Variants in NXPH1 observed in about 807,000 individuals in gnomAD.
The protein encoded by NXPH1 is neurexophilin 1.
In NXPH1, 5 loss-of-function variants were observed where a neutral mutation model predicts 23.7. The observed-to-expected ratio is 0.21, with a 90% CI of 0.11 to 0.44. The LOEUF is 0.44. Among genes scored for constraint, NXPH1 ranks in the 20% least tolerant of loss-of-function variants. NXPH1 has a pLI of 0.99. For synonymous variants in NXPH1, 144 were observed against 122.2 expected, an observed-to-expected ratio of 1.18 and a Z score of -1.18; for missense variants, 324 against 321.6, an observed-to-expected ratio of 1.01 and a Z score of -0.06.
chr7:8,662,647 T>G (rs12702760), intron 2 of NXPH1, among the ~76,000 whole-genome samples: 1 of 151,744 alleles, frequency 6.6e-6, no homozygotes, highest in Non-Finnish European at 1.5e-5. Flanking sequence ...TTATGCAAAT[T>G]AGAAAACTGA....
rs141512120 is a variant in NXPH1, at chr7:8,523,862, C to A, written c.54+88095C>A. Among the ~76,000 whole-genome samples, 4 of 152,224 alleles carry A rather than the reference C, an allele frequency of 2.6e-5. No homozygotes were observed. In the South Asian group the frequency reaches 6.2e-4, roughly 24 times the overall value. Reference sequence around the variant, plus strand: ...CATGATTGCTGTCCTTCCCCACTAACCATTTGCTTTTGCCAACCTGCATGC... The same window carrying A: ...CATGATTGCTGTCCTTCCCCACTAAACATTTGCTTTTGCCAACCTGCATGC... On this transcript the variant is annotated intron_variant, in intron 2 of 2. Transcript: ENST00000405863.
Position 8,752,004 on chromosome 7 carries a change from T to C in NXPH1, c.*235T>C. 1 of 492,000 alleles carries C rather than the reference T, an allele frequency of 2.0e-6. No individual in the cohort carries two copies. The highest frequency in any genetic ancestry group is 3.7e-6 in the Non-Finnish European group (1 of 273,034). The allele number at this position is 492,000 out of a possible 1,614,324, so 30.5% of individuals were successfully genotyped here. ...GATTTTGAATTCACACCTGAAGACA[T>C]GCTCTCACATATAGAGGTACACAAA... On this transcript the variant is annotated 3_prime_UTR_variant, in exon 3 of 3. Coordinates refer to ENST00000405863, the MANE Select transcript of NXPH1 (RefSeq NM_152745.3).
intron 2 of NXPH1, among the ~76,000 whole-genome samples, chr7:8,670,390 T>A (rs1177943369): frequency 6.6e-6 from 1 of 152,228 alleles, no homozygotes; most frequent in South Asian, 2.1e-4. Flanking sequence ...AAAACCAAAT[T>A]GGATTTACCA....
At chr7:8,694,312 T>A (rs139208180) in intron 2 of NXPH1, among the ~76,000 whole-genome samples, 29 of 152,334 alleles carry the variant, frequency 1.9e-4, no homozygotes, top group Admixed American at 4.6e-4. Context: ...GACACCCATG[T>A]CAGGGATGCT....
chr7:8,593,728 T>C (rs1252196937), intron 2 of NXPH1, among the ~76,000 whole-genome samples: 1 of 152,064 alleles, frequency 6.6e-6, no homozygotes, highest in Non-Finnish European at 1.5e-5. Flanking sequence ...ACCTTAAAAT[T>C]AAAATTCAGA....
intron 2 of NXPH1, among the ~76,000 whole-genome samples, chr7:8,548,251 C>T (rs76623379): frequency 3.8e-4 from 57 of 151,672 alleles, no homozygotes; most frequent in African/African-American, 1.4e-3. Flanking sequence ...GTTTACCATG[C>T]TCCTCAATGA....
At chr7:8,512,154 T>TA (rs1277757772) in intron 2 of NXPH1, among the ~76,000 whole-genome samples, 1 of 152,138 alleles carries the variant, frequency 6.6e-6, no homozygotes, top group Non-Finnish European at 1.5e-5. Context: ...CCTCTCCAAA[T>TA]ACAGCATTAA....
At position 8,494,638 on chromosome 7, in the gene NXPH1, A is replaced by G. The variant is rs535078294; in HGVS notation, c.54+58871A>G. 5.9e-5 allele frequency among the ~76,000 whole-genome samples: 9 copies of G among 152,216 alleles called. 1 individual carries two copies. The South Asian group carries it at 1.2e-3, about 21-fold the overall frequency. ...ACCTCCAAATACCTTGACAATGCCA[A>G]TAATGGAGTCAATCATCTGAATGGT... On this transcript the variant is annotated intron_variant, in intron 2 of 2. Coordinates refer to ENST00000405863, the MANE Select transcript of NXPH1 (RefSeq NM_152745.3).
At chr7:8,450,144 T>A (rs1188474126) in intron 2 of NXPH1, among the ~76,000 whole-genome samples, 1 of 152,200 alleles carries the variant, frequency 6.6e-6, no homozygotes, top group African/African-American at 2.4e-5. Context: ...ATCACACTCA[T>A]GTTTTTTGAA....
Position 8,442,588 on chromosome 7 carries a change from C to A in NXPH1, c.54+6821C>A, listed in dbSNP as rs1366472214. On this transcript the variant is annotated intron_variant, in intron 2 of 2. Coordinates refer to ENST00000405863, the MANE Select transcript of NXPH1 (RefSeq NM_152745.3). The surrounding 1 kb of genome is among the most constrained non-coding windows in gnomAD (Gnocchi z 4.6). The stretch of plus-strand genomic sequence containing the variant: ...ATTTTCCTTCGTCTTCTACAAGAAG[C>A]AAGAAACTTTTTTCGACGTAGGCTT... Among the ~76,000 whole-genome samples, 2 of 152,228 alleles carry A rather than the reference C, an allele frequency of 1.3e-5. No individual in the cohort carries two copies. Among genetic ancestry groups the A allele is most frequent in the Non-Finnish European group, 2.9e-5 (2 of 68,042 alleles).
chr7:8,582,058 G>A (rs915903127), intron 2 of NXPH1, among the ~76,000 whole-genome samples: 2 of 152,188 alleles, frequency 1.3e-5, no homozygotes, highest in African/African-American at 4.8e-5. Context: ...TGCTGTGGCA[G>A]GGTGGGCAGC....
At chr7:8,611,025 G>A (rs1237000357) in intron 2 of NXPH1, among the ~76,000 whole-genome samples, 8 of 152,072 alleles carry the variant, frequency 5.3e-5, no homozygotes, top group African/African-American at 1.9e-4. Flanking sequence ...CTGAAACGCC[G>A]CTTAGAGTTG....
At chr7:8,742,542 C>T (rs1363824756) in intron 2 of NXPH1, among the ~76,000 whole-genome samples, 1 of 142,362 alleles carries the variant, frequency 7.0e-6, no homozygotes, top group East Asian at 2.0e-4. Context: ...AATATACTAG[C>T]TGAGATGTGT....
chr7:8,547,524 G>C (rs952074897), intron 2 of NXPH1, among the ~76,000 whole-genome samples: 2 of 151,350 alleles, frequency 1.3e-5, no homozygotes, highest in African/African-American at 4.8e-5. Flanking sequence ...AGGTGGTACA[G>C]GTACAGGTTT....
chr7:8,627,458 A>G (rs985344426), intron 2 of NXPH1, among the ~76,000 whole-genome samples: 1 of 152,138 alleles, frequency 6.6e-6, no homozygotes, highest in Non-Finnish European at 1.5e-5. Flanking sequence ...CAAGCCTTCA[A>G]TATTCTAAGT....
chr7:8,514,485 C>T (rs753108470), intron 2 of NXPH1, among the ~76,000 whole-genome samples: 5 of 152,070 alleles, frequency 3.3e-5, no homozygotes, highest in Non-Finnish European at 7.4e-5. Flanking sequence ...TTGGCTTTTG[C>T]CCAATGCATT....
chr7:8,730,975 C>T (rs867429671), intron 2 of NXPH1, among the ~76,000 whole-genome samples: 2 of 147,766 alleles, frequency 1.4e-5, no homozygotes, highest in Middle Eastern at 6.9e-3. Context: ...CTTTCAGGTA[C>T]ACCAATCAGA....
chr7:8,711,207 C>T (rs112988684), intron 2 of NXPH1, among the ~76,000 whole-genome samples: 133 of 152,232 alleles, frequency 8.7e-4, no homozygotes, highest in African/African-American at 2.8e-3. Flanking sequence ...AAAGACTTTA[C>T]GGACATACTT....
At chr7:8,576,917 T>C (rs74401666) in intron 2 of NXPH1, among the ~76,000 whole-genome samples, 1,618 of 152,234 alleles carry the variant, frequency 0.011, 33 homozygotes, top group African/African-American at 0.037. Context: ...CAAAATTCTC[T>C]TTTTACTCTG....
Sources: gnomAD v4.1 joint callset for allele counts (sites outside exome capture counted in the v4.1 genomes callset) on GRCh38, gnomAD v4.1.1 for gene constraint, Gnocchi (gnomAD v3.1) non-coding constraint, MANE v1.5 for transcripts, NCBI Gene and HGNC (gene_info 2026-07-23, HGNC 2026-07-21) for gene names.